Variants in MACROD2 observed in about 807,000 individuals in gnomAD.
MACROD2 encodes ADP-ribose glycohydrolase MACROD2.
In MACROD2, 36 loss-of-function variants were observed where a neutral mutation model predicts 70.4. The ratio of observed to expected loss-of-function variants is 0.51; its 90% CI spans 0.39 to 0.68. The LOEUF is 0.68. MACROD2 is among the 30% of genes least tolerant of loss of function. MACROD2 has a pLI of 0.00. For missense variants in MACROD2, 496 were observed against 538.4 expected, an observed-to-expected ratio of 0.92 and a Z score of 0.78; for synonymous variants, 172 against 178.8, an observed-to-expected ratio of 0.96 and a Z score of 0.30.
intron 3 of MACROD2, among the ~76,000 whole-genome samples, chr20:14,284,234 A>G (rs2082327656): frequency 6.6e-6 from 1 of 152,222 alleles, no homozygotes; most frequent in Non-Finnish European, 1.5e-5. Flanking sequence ...AATATTAGAA[A>G]ACTGCAGCTT....
At chr20:15,477,307 T>C (rs2047036552) in intron 7 of MACROD2, among the ~76,000 whole-genome samples, 1 of 152,012 alleles carries the variant, frequency 6.6e-6, no homozygotes, top group South Asian at 2.1e-4. Context: ...ATTGCCCAGG[T>C]TGGCCTTGAA....
intron 5 of MACROD2, among the ~76,000 whole-genome samples, chr20:14,914,642 T>A (rs2074068733): frequency 6.6e-6 from 1 of 152,214 alleles, no homozygotes; most frequent in Non-Finnish European, 1.5e-5. Context: ...TGACTGCATG[T>A]TTGACAGCTA....
At chr20:14,108,326 G>T (rs1299687162) in intron 3 of MACROD2, among the ~76,000 whole-genome samples, 2 of 151,918 alleles carry the variant, frequency 1.3e-5, no homozygotes, top group Non-Finnish European at 2.9e-5. Flanking sequence ...CTAAGAGGAA[G>T]ACAGGAAGGG....
At chr20:15,148,783 T>G (rs1169218769) in intron 5 of MACROD2, among the ~76,000 whole-genome samples, 1 of 152,036 alleles carries the variant, frequency 6.6e-6, no homozygotes, top group Non-Finnish European at 1.5e-5. Flanking sequence ...TCCAGTCCTT[T>G]TTAAGTTGGT....
intron 4 of MACROD2, among the ~76,000 whole-genome samples, chr20:14,673,325 C>T (rs1256503090): frequency 6.6e-6 from 1 of 152,164 alleles, no homozygotes; most frequent in Non-Finnish European, 1.5e-5. Context: ...TCATCACTTT[C>T]TGGAGCTGTG....
Position 14,965,462 on chromosome 20 carries a change from T to C in MACROD2, c.419-264478T>C, listed in dbSNP as rs867372366. ...AAAGTTATTTTTTTTTCTTTTTTTTTTTTTTTTTTTTTTTTTGAGACGGAG... is the reference window on the plus strand; with the variant it reads ...AAAGTTATTTTTTTTTCTTTTTTTTCTTTTTTTTTTTTTTTTGAGACGGAG... On this transcript the variant is annotated intron_variant, in intron 5 of 17. Transcript: ENST00000684519. 8.8e-4 allele frequency among the ~76,000 whole-genome samples: 113 copies of C among 128,758 alleles called. 1 individual carries two copies. Among genetic ancestry groups the C allele is most frequent in the Non-Finnish European group, 1.4e-3 (84 of 60,074 alleles). The allele number at this position is 128,758 out of a possible 152,430, so 84.5% of individuals were successfully genotyped here.
intron 5 of MACROD2, among the ~76,000 whole-genome samples, chr20:15,137,686 G>T (rs1025157384): frequency 1.3e-5 from 2 of 151,646 alleles, no homozygotes; most frequent in Middle Eastern, 6.8e-3. Flanking sequence ...TTGTGCACAT[G>T]TACCCTAAAA....
At chr20:15,844,235 G>C (rs544655326) in intron 8 of MACROD2, among the ~76,000 whole-genome samples, 1 of 152,136 alleles carries the variant, frequency 6.6e-6, no homozygotes, top group South Asian at 2.1e-4. Flanking sequence ...AGGAGGAGCA[G>C]GTCTGCCAAG....
intron 17 of MACROD2, among the ~76,000 whole-genome samples, chr20:16,049,118 GAGATAGAAATC>G (rs1315626887): frequency 1.3e-5 from 2 of 152,090 alleles, no homozygotes; most frequent in Admixed American, 6.6e-5. Context: ...CTAATTTATG[GAGATAGAAATC>G]AGATCATTTG....
intron 8 of MACROD2, among the ~76,000 whole-genome samples, chr20:15,580,465 T>C (rs2048508519): frequency 6.6e-6 from 1 of 152,200 alleles, no homozygotes; most frequent in Admixed American, 6.5e-5. Flanking sequence ...GAATTAGCTA[T>C]GTTAATGGTC....
At chr20:15,328,035 T>A (rs1425702926) in intron 6 of MACROD2, among the ~76,000 whole-genome samples, 1 of 152,062 alleles carries the variant, frequency 6.6e-6, no homozygotes, top group African/African-American at 2.4e-5. Flanking sequence ...ATATATATTT[T>A]TATAAAATGA....
chr20:14,846,693 A>G (rs2073145288), intron 5 of MACROD2, among the ~76,000 whole-genome samples: 1 of 151,832 alleles, frequency 6.6e-6, no homozygotes, highest in Non-Finnish European at 1.5e-5. Flanking sequence ...AATTTTTTAT[A>G]TTTTTAGTAG....
intron 10 of MACROD2, among the ~76,000 whole-genome samples, chr20:15,916,063 C>T (rs1212786616): frequency 6.6e-6 from 1 of 152,160 alleles, no homozygotes; most frequent in Non-Finnish European, 1.5e-5. Context: ...TAGTTCAACT[C>T]CTGCTGGGTT....
At chr20:14,982,373 A>G (rs1048947958) in intron 5 of MACROD2, among the ~76,000 whole-genome samples, 27 of 152,332 alleles carry the variant, frequency 1.8e-4, no homozygotes, top group Admixed American at 8.5e-4. Context: ...AAATTTGCAT[A>G]AGTAATGAGG....
intron 4 of MACROD2, among the ~76,000 whole-genome samples, chr20:14,560,382 A>G (rs1979351972): frequency 1.3e-5 from 2 of 151,528 alleles, no homozygotes; most frequent in Non-Finnish European, 2.9e-5. Flanking sequence ...TACAGGAACT[A>G]AAGATAGGAT....
At chr20:15,086,245 C>T (rs572655659) in intron 5 of MACROD2, among the ~76,000 whole-genome samples, 22 of 152,194 alleles carry the variant, frequency 1.4e-4, no homozygotes, top group Admixed American at 4.6e-4. Flanking sequence ...TATTGCATTT[C>T]GTGGCTAACT....
At chr20:14,763,675 G>C (rs1017356095) in intron 5 of MACROD2, among the ~76,000 whole-genome samples, 1 of 152,086 alleles carries the variant, frequency 6.6e-6, no homozygotes, top group African/African-American at 2.4e-5. Flanking sequence ...TCTGGCCAGA[G>C]TGATTCAAAT....
chr20:15,441,610 TAATTAAA>T (rs1268596947), intron 7 of MACROD2, among the ~76,000 whole-genome samples: 1 of 151,930 alleles, frequency 6.6e-6, no homozygotes, highest in African/African-American at 2.4e-5. Flanking sequence ...TAAAAATAAA[TAATTAAA>T]AAAGAAAACA....
intron 3 of MACROD2, among the ~76,000 whole-genome samples, chr20:14,258,491 G>GT (rs1252465868): frequency 3.3e-5 from 5 of 152,052 alleles, no homozygotes; most frequent in Admixed American, 2.6e-4. Flanking sequence ...ATTTTCATAT[G>GT]TTTTTTGGCT....
Sources: allele counts gnomAD v4.1 joint callset (sites outside exome capture counted in the v4.1 genomes callset), GRCh38; gene constraint gnomAD v4.1.1; transcripts MANE v1.5; gene names NCBI Gene and HGNC (gene_info 2026-07-23, HGNC 2026-07-21).